The following EDIL3 variants were observed in gnomAD, a reference collection of about 807,000 sequenced individuals.
The protein encoded by EDIL3 is EGF like and discoidin domains 3.
Under a neutral mutation model 67.4 loss-of-function variants are expected in EDIL3, and 37 were observed. The ratio of observed to expected loss-of-function variants is 0.55; its 90% CI spans 0.42 to 0.72. The LOEUF is 0.72. EDIL3 is among the 30% of genes least tolerant of loss of function. The pLI is 0.00. For missense variants in EDIL3, 527 were observed against 586.3 expected (o/e 0.90, Z 1.04); for synonymous variants, 195 against 196.3 (o/e 0.99, Z 0.05).
chr5:84,199,979 T>A (rs921151838), intron 3 of EDIL3, among the ~76,000 whole-genome samples: 1 of 152,060 alleles, frequency 6.6e-6, no homozygotes, highest in African/African-American at 2.4e-5. Flanking sequence ...CCTTCCCATG[T>A]CTATGGGTTT....
intron 9 of EDIL3, among the ~76,000 whole-genome samples, chr5:84,001,912 C>T (rs1745338010): frequency 6.6e-6 from 1 of 151,712 alleles, no homozygotes. Flanking sequence ...TTCTATGAGG[C>T]CTGTATTACC....
chr5:83,950,640 C>G (rs1275975722), intron 10 of EDIL3, among the ~76,000 whole-genome samples: 1 of 151,846 alleles, frequency 6.6e-6, no homozygotes, highest in South Asian at 2.1e-4. Context: ...TCTACTCTCT[C>G]TATTTTACTT....
intron 9 of EDIL3, among the ~76,000 whole-genome samples, chr5:84,040,897 C>T (rs1291491180): frequency 6.6e-6 from 1 of 152,122 alleles, no homozygotes. Context: ...TTTGGGAGGC[C>T]AAGGCCGATG....
chr5:84,201,326 AGTTTAGGATT>A (rs1743826793), intron 3 of EDIL3, among the ~76,000 whole-genome samples: 1 of 152,092 alleles, frequency 6.6e-6, no homozygotes, highest in South Asian at 2.1e-4. Context: ...GGATGCCTCT[AGTTTAGGATT>A]GTTTCTGGTA....
intron 1 of EDIL3, among the ~76,000 whole-genome samples, chr5:84,347,308 A>G (rs535355596): frequency 6.6e-6 from 1 of 152,310 alleles, no homozygotes; most frequent in African/African-American, 2.4e-5. Flanking sequence ...GCTCTAAATA[A>G]TTTCAAACCT....
At position 83,942,169 on chromosome 5, in the gene EDIL3, C is replaced by T. The variant is rs1744234341; in HGVS notation, c.*1250G>A. 1.3e-5 allele frequency: 2 copies of T among 151,928 alleles called. No individual in the cohort carries two copies. Among genetic ancestry groups the T allele is most frequent in the African/African-American group, 4.8e-5 (2 of 41,418 alleles). 9.4% of individuals were successfully genotyped at this position (151,928 alleles called of 1,614,324 possible). A position where few individuals can be genotyped will look rare whatever the true frequency, so the allele number is the denominator to read the frequency against. On this transcript the variant is annotated 3_prime_UTR_variant, in exon 11 of 11. Transcript: ENST00000296591. ...TAATTTGAGAGACATGTCAATGAAACCTCCAGTATCAATAACAAATTGTTA... is the reference window on the plus strand; with the variant it reads ...TAATTTGAGAGACATGTCAATGAAATCTCCAGTATCAATAACAAATTGTTA...
At chr5:84,181,795 C>T (rs1308235342) in intron 3 of EDIL3, among the ~76,000 whole-genome samples, 1 of 152,110 alleles carries the variant, frequency 6.6e-6, no homozygotes. Flanking sequence ...CAAAAAACTA[C>T]AGTTTTCTCT....
intron 9 of EDIL3, among the ~76,000 whole-genome samples, chr5:84,022,591 G>A (rs557519237): frequency 6.6e-6 from 1 of 152,030 alleles, no homozygotes. Context: ...GTCATTTGCA[G>A]CAACATGGAT....
chr5:84,291,930 A>G (rs1279452983), intron 1 of EDIL3, among the ~76,000 whole-genome samples: 1 of 151,634 alleles, frequency 6.6e-6, no homozygotes, highest in African/African-American at 2.4e-5. Context: ...ATATTTTTGT[A>G]GCTCCAACTC....
At chr5:84,288,065 T>C (rs1745844410) in intron 1 of EDIL3, among the ~76,000 whole-genome samples, 1 of 152,176 alleles carries the variant, frequency 6.6e-6, no homozygotes, top group South Asian at 2.1e-4. Context: ...GCATCTCAAA[T>C]TTAACATGTC....
chr5:84,312,089 G>C (rs1746403922), intron 1 of EDIL3, among the ~76,000 whole-genome samples: 1 of 152,146 alleles, frequency 6.6e-6, no homozygotes, highest in Non-Finnish European at 1.5e-5. Flanking sequence ...CCTCCCAGAC[G>C]GGGTGGTGGC....
At chr5:83,977,329 G>A (rs572306619) in intron 9 of EDIL3, among the ~76,000 whole-genome samples, 3 of 151,606 alleles carry the variant, frequency 2.0e-5, no homozygotes, top group Non-Finnish European at 4.4e-5. Flanking sequence ...ATATTTAAAT[G>A]TTGATGTATT....
chr5:84,183,309 T>G (rs1749046946), intron 3 of EDIL3, among the ~76,000 whole-genome samples: 1 of 152,122 alleles, frequency 6.6e-6, no homozygotes, highest in African/African-American at 2.4e-5. Flanking sequence ...CCTATACCCC[T>G]CAGAGCATCA....
intron 10 of EDIL3, among the ~76,000 whole-genome samples, chr5:83,952,327 T>C (rs1054016611): frequency 1.3e-5 from 2 of 151,824 alleles, no homozygotes; most frequent in African/African-American, 4.8e-5. Context: ...GAAAGTCTCC[T>C]TAAGTAATGA....
chr5:84,113,611 TG>T (rs1197798415), intron 5 of EDIL3, among the ~76,000 whole-genome samples: 1 of 152,188 alleles, frequency 6.6e-6, no homozygotes, highest in Non-Finnish European at 1.5e-5. Flanking sequence ...TGGCAAAGAA[TG>T]GCTTCTGCAT....
intron 4 of EDIL3, among the ~76,000 whole-genome samples, chr5:84,175,152 G>A (rs1295029517): frequency 1.3e-5 from 2 of 152,070 alleles, no homozygotes; most frequent in Non-Finnish European, 2.9e-5. Context: ...CTGGTTCTGG[G>A]TCTCTTTGGC....
rs542165771 is a variant in EDIL3 at position 84,183,418 on chromosome 5, C to G, written c.227-2897G>C. 1.2e-4 allele frequency among the ~76,000 whole-genome samples: 18 copies of G among 152,112 alleles called. No individual in the cohort carries two copies. The South Asian group carries it at 2.9e-3, about 25-fold the overall frequency. ...TAAAAATGATAGATTTTGAAACTAA[C>G]TGATAACTGACAGCCAAGCACATAA... is the stretch of plus-strand genomic sequence containing the variant. On this transcript the variant is annotated intron_variant, in intron 3 of 10. Transcript: ENST00000296591.
intron 5 of EDIL3, among the ~76,000 whole-genome samples, chr5:84,108,207 T>G (rs1361764889): frequency 2.0e-5 from 3 of 151,964 alleles, no homozygotes; most frequent in Non-Finnish European, 4.4e-5. Flanking sequence ...GTAAGATATT[T>G]CTCACTGTTA....
chr5:84,040,152 T>C (rs4585422), intron 9 of EDIL3, among the ~76,000 whole-genome samples: 55,210 of 152,064 alleles, frequency 0.36, 11,092 homozygotes, highest in African/African-American at 0.55. Context: ...GGTCCTGTTA[T>C]AGAGTTTAAC....
Sources: allele counts gnomAD v4.1 joint callset (sites outside exome capture counted in the v4.1 genomes callset), GRCh38; gene constraint gnomAD v4.1.1; transcripts MANE v1.5; gene names NCBI Gene and HGNC (gene_info 2026-07-23, HGNC 2026-07-21).